Variants in TLR6 observed in about 807,000 individuals in gnomAD.
TLR6 encodes the protein toll-like receptor 6.
Under a neutral mutation model 16.1 loss-of-function variants are expected in TLR6, and 9 were observed. That is an observed-to-expected ratio of 0.56 (90% CI 0.34 to 0.98). The LOEUF (loss-of-function observed/expected upper bound fraction) is 0.98. TLR6 is among the 50% of genes least tolerant of loss of function. TLR6 has a pLI of 0.02. For synonymous variants in TLR6, 340 were observed against 338.6 expected, an observed-to-expected ratio of 1.00 and a Z score of -0.04; for missense variants, 786 against 921.0, an observed-to-expected ratio of 0.85 and a Z score of 1.90.
chr4:38,832,920 T>C (rs1290089864), intron 1 of TLR6, among the ~76,000 whole-genome samples: 2 of 151,396 alleles, frequency 1.3e-5, no homozygotes, highest in Non-Finnish European at 1.5e-5. Flanking sequence ...CCATCTTCCC[T>C]AGCAGCAGGA....
At chr4:38,839,736 T>C (rs902714897) in intron 1 of TLR6, among the ~76,000 whole-genome samples, 6 of 152,248 alleles carry the variant, frequency 3.9e-5, no homozygotes, top group African/African-American at 1.4e-4. Flanking sequence ...TTACTTATTG[T>C]AACAATGATC....
intron 1 of TLR6, among the ~76,000 whole-genome samples, chr4:38,829,797 C>T (rs1389372043): frequency 6.6e-6 from 1 of 152,158 alleles, no homozygotes; most frequent in Non-Finnish European, 1.5e-5. Context: ...CACTCAGGGG[C>T]TTGCCTTTGT....
chr4:38,836,241 A>C (rs1711910148), intron 1 of TLR6, among the ~76,000 whole-genome samples: 1 of 152,148 alleles, frequency 6.6e-6, no homozygotes, highest in Admixed American at 6.5e-5. Context: ...TAGACTAACC[A>C]AGACAAGAAA....
intron 1 of TLR6, among the ~76,000 whole-genome samples, chr4:38,839,348 G>T (rs60970881): frequency 0.18 from 27,360 of 151,768 alleles, 4,920 homozygotes; most frequent in African/African-American, 0.45. Context: ...CATAGACATT[G>T]GACTTACTAG....
At chr4:38,854,449 A>G (rs1193875240) in intron 1 of TLR6, among the ~76,000 whole-genome samples, 3 of 152,184 alleles carry the variant, frequency 2.0e-5, no homozygotes, top group African/African-American at 7.2e-5. Context: ...TGTTATTTTT[A>G]CTATAAGATA....
intron 1 of TLR6, among the ~76,000 whole-genome samples, chr4:38,835,582 A>G (rs1425488813): frequency 1.3e-5 from 2 of 152,216 alleles, no homozygotes; most frequent in African/African-American, 4.8e-5. Context: ...ATATCAGCAA[A>G]GAAACATTGG....
intron 1 of TLR6, among the ~76,000 whole-genome samples, chr4:38,850,811 G>T (rs1326698440): frequency 6.6e-6 from 1 of 152,160 alleles, no homozygotes; most frequent in African/African-American, 2.4e-5. Flanking sequence ...ACAACTAGGA[G>T]CTGGTACCAT....
At chr4:38,832,525 C>T (rs114601407) in intron 1 of TLR6, among the ~76,000 whole-genome samples, 1 of 152,188 alleles carries the variant, frequency 6.6e-6, no homozygotes, top group South Asian at 2.1e-4. Context: ...TATATGCAAT[C>T]ACATTGTTCC....
intron 1 of TLR6, among the ~76,000 whole-genome samples, chr4:38,851,065 G>C (rs944094667): frequency 6.6e-6 from 1 of 152,234 alleles, no homozygotes; most frequent in African/African-American, 2.4e-5. Flanking sequence ...GGGATGCAAG[G>C]CTGTTTCAAC....
upstream of TLR6, among the ~76,000 whole-genome samples, chr4:38,858,900 A>C (rs1359182861): frequency 6.7e-6 from 1 of 149,412 alleles, no homozygotes; most frequent in African/African-American, 2.5e-5. Flanking sequence ...AGAAAGAAAG[A>C]AAGAAAAGAA....
intron 1 of TLR6, among the ~76,000 whole-genome samples, chr4:38,832,708 A>G (rs1372627145): frequency 1.3e-5 from 2 of 152,114 alleles, no homozygotes; most frequent in African/African-American, 4.8e-5. Context: ...ACGTCCACCT[A>G]GAGGGCTACA....
chr4:38,855,600 A>T (rs912319312), intron 1 of TLR6, among the ~76,000 whole-genome samples: 2 of 152,298 alleles, frequency 1.3e-5, no homozygotes, highest in East Asian at 3.9e-4. Flanking sequence ...GACCTACCCT[A>T]CAGGTCCCCG....
intron 1 of TLR6, among the ~76,000 whole-genome samples, chr4:38,839,538 G>C (rs1338429669): frequency 6.6e-6 from 1 of 152,148 alleles, no homozygotes; most frequent in Non-Finnish European, 1.5e-5. Flanking sequence ...GACATACTCA[G>C]TAGTTTATAC....
chr4:38,839,911 G>A (rs1373420808), intron 1 of TLR6, among the ~76,000 whole-genome samples: 2 of 152,222 alleles, frequency 1.3e-5, no homozygotes, highest in African/African-American at 4.8e-5. Flanking sequence ...CCAGTGCTGA[G>A]CTAGACTTTC....
chr4:38,842,649 C>T (rs938814259), intron 1 of TLR6, among the ~76,000 whole-genome samples: 2 of 152,240 alleles, frequency 1.3e-5, no homozygotes, highest in African/African-American at 2.4e-5. Flanking sequence ...AGCCAGAATG[C>T]CTCTGTGTGC....
intron 1 of TLR6, among the ~76,000 whole-genome samples, chr4:38,835,066 A>T (rs1711842512): frequency 6.6e-6 from 1 of 152,248 alleles, no homozygotes; most frequent in Admixed American, 6.5e-5. Context: ...AACAAAGGAT[A>T]TACAAAACAA....
the TLR6 span, among the ~76,000 whole-genome samples, chr4:38,865,831 G>T: frequency 6.6e-6 from 1 of 152,164 alleles, no homozygotes. Context: ...TAACTTTCTG[G>T]TTTTTCTATG....
At chr4:38,867,281 T>G in the TLR6 span, among the ~76,000 whole-genome samples, 1 of 152,206 alleles carries the variant, frequency 6.6e-6, no homozygotes, top group Non-Finnish European at 1.5e-5. Context: ...TTAGGACAAA[T>G]TCACAAATGT....
At chr4:38,822,924 C>T (rs116126553), downstream of TLR6, among the ~76,000 whole-genome samples, 3,830 of 152,284 alleles carry the variant, frequency 0.025, 89 homozygotes, top group East Asian at 0.081. Context: ...TTTATTGGAC[C>T]TACAGTTCCA....
Sources: gnomAD v4.1 joint callset for allele counts (sites outside exome capture counted in the v4.1 genomes callset) on GRCh38, gnomAD v4.1.1 for gene constraint, MANE v1.5 for transcripts, NCBI Gene and HGNC (gene_info 2026-07-23, HGNC 2026-07-21) for gene names.